SEMA3A: variants seen among roughly 807,000 people sequenced by gnomAD.
SEMA3A encodes semaphorin-3A.
SEMA3A carries 29 observed loss-of-function variants against 97.9 expected under a neutral mutation model. That is an observed-to-expected ratio of 0.30 (90% CI 0.22 to 0.40). The LOEUF (loss-of-function observed/expected upper bound fraction) is 0.40, where lower values mean the gene tolerates loss of function less well. SEMA3A is among the 10% of genes least tolerant of loss of function. The pLI is 1.00. For missense variants in SEMA3A, 763 were observed against 951.3 expected, an observed-to-expected ratio of 0.80 and a Z score of 2.60; for synonymous variants, 321 against 323.7, an observed-to-expected ratio of 0.99 and a Z score of 0.09.
chr7:84,232,524 C>A (rs1386203376), intron 3 of SEMA3A, among the ~76,000 whole-genome samples: 1 of 151,392 alleles, frequency 6.6e-6, no homozygotes, highest in Non-Finnish European at 1.5e-5. Flanking sequence ...TTGTACCCAA[C>A]AACTGAAGAA....
chr7:84,065,693 G>T (rs868042593), intron 4 of SEMA3A, among the ~76,000 whole-genome samples: 1 of 151,866 alleles, frequency 6.6e-6, no homozygotes, highest in African/African-American at 2.4e-5. Flanking sequence ...ATTCCTCGAC[G>T]TATACACTCT....
chr7:84,075,484 A>G (rs1793915498), intron 4 of SEMA3A, among the ~76,000 whole-genome samples: 1 of 131,530 alleles, frequency 7.6e-6, no homozygotes. Flanking sequence ...TTTGAGACAG[A>G]GTCTAGCTCT....
At chr7:83,980,623 A>AAAAAAAAAAAAAAAAT (rs1310318006) in intron 14 of SEMA3A, among the ~76,000 whole-genome samples, 20 of 71,734 alleles carry the variant, frequency 2.8e-4, no homozygotes, top group African/African-American at 1.5e-3. Context: ...AAAAAAAAAA[A>AAAAAAAAAAAAAAAAT]ATATATATAT....
At chr7:84,085,935 T>C (rs1794320794) in intron 4 of SEMA3A, among the ~76,000 whole-genome samples, 1 of 152,152 alleles carries the variant, frequency 6.6e-6, no homozygotes, top group Non-Finnish European at 1.5e-5. Context: ...CCCAGACTGT[T>C]TGGCTCCCAC....
At chr7:84,356,804 A>C (rs1420134956) in intron 2 of SEMA3A, among the ~76,000 whole-genome samples, 1 of 144,516 alleles carries the variant, frequency 6.9e-6, no homozygotes, top group South Asian at 2.2e-4. Context: ...TTAAGTAAAT[A>C]TGACTATAAA....
At chr7:84,268,294 T>TGTGTGTGC (rs1244680258) in intron 3 of SEMA3A, among the ~76,000 whole-genome samples, 1 of 148,594 alleles carries the variant, frequency 6.7e-6, no homozygotes, top group Non-Finnish European at 1.5e-5. Flanking sequence ...TGTGTGTGTG[T>TGTGTGTGC]GCAGGTGCTC....
chr7:84,338,286 A>T (rs1432966225), intron 2 of SEMA3A, among the ~76,000 whole-genome samples: 1 of 152,020 alleles, frequency 6.6e-6, no homozygotes, highest in Non-Finnish European at 1.5e-5. Context: ...AAAGAAACCC[A>T]TTAAGATAAC....
At chr7:84,378,610 T>C (rs960233546) in intron 1 of SEMA3A, among the ~76,000 whole-genome samples, 5 of 152,078 alleles carry the variant, frequency 3.3e-5, no homozygotes, top group African/African-American at 9.7e-5. Context: ...CTAATGTAGA[T>C]GATGGGCTGA....
intron 1 of SEMA3A, among the ~76,000 whole-genome samples, chr7:84,159,661 G>A (rs1237230541): frequency 6.6e-6 from 1 of 152,142 alleles, no homozygotes; most frequent in East Asian, 1.9e-4. Context: ...GCAATTTGCA[G>A]TTGGTGAAGC....
At position 84,426,277 on chromosome 7, in the gene SEMA3A, CAGATAGATAGAT is replaced by C. The variant is rs1554384465; in HGVS notation, c.-245-54389_-245-54378del. Among the ~76,000 whole-genome samples the C allele has an allele frequency of 2.6e-3, 341 of 133,108 alleles. 1 individual carries two copies. The highest frequency in any genetic ancestry group is 9.0e-3 in the African/African-American group (315 of 34,926). 87.3% of individuals were successfully genotyped at this position (133,108 alleles called of 152,430 possible). The stretch of plus-strand genomic sequence containing the variant: ...AGAGAGATAGATATAGATATATAGA[CAGATAGATAGAT>C]AGATAGATAGATAGATAGATAGATA... On this transcript the variant is annotated intron_variant, in intron 1 of 3. Transcript: ENST00000424555.
intron 2 of SEMA3A, among the ~76,000 whole-genome samples, chr7:84,348,991 A>G (rs957595497): frequency 3.3e-5 from 5 of 152,082 alleles, no homozygotes; most frequent in African/African-American, 1.2e-4. Flanking sequence ...CTCAAAAAAA[A>G]AGTTCTATAT....
intron 2 of SEMA3A, among the ~76,000 whole-genome samples, chr7:84,312,919 T>C (rs917943628): frequency 0.14 from 4,317 of 29,960 alleles, 290 homozygotes; most frequent in Non-Finnish European, 0.2. Flanking sequence ...TATATATATA[T>C]ATACACACAC....
intron 1 of SEMA3A, among the ~76,000 whole-genome samples, chr7:84,434,469 T>C (rs1805071462): frequency 6.6e-6 from 1 of 152,116 alleles, no homozygotes; most frequent in Non-Finnish European, 1.5e-5. Context: ...CTGAAATGAT[T>C]CCTAAAAATT....
At chr7:84,187,874 C>G (rs1348943451) in intron 1 of SEMA3A, among the ~76,000 whole-genome samples, 2 of 152,046 alleles carry the variant, frequency 1.3e-5, no homozygotes, top group African/African-American at 2.4e-5. Context: ...ACATACCCAG[C>G]CTTTAGAAAC....
At chr7:84,143,537 A>G (rs1380547731) in intron 1 of SEMA3A, among the ~76,000 whole-genome samples, 1 of 93,294 alleles carries the variant, frequency 1.1e-5, no homozygotes, top group Non-Finnish European at 2.2e-5. Flanking sequence ...CACGACTGTA[A>G]GATTATTGGA....
At chr7:84,407,294 T>C (rs981174234) in intron 1 of SEMA3A, among the ~76,000 whole-genome samples, 4 of 152,150 alleles carry the variant, frequency 2.6e-5, no homozygotes, top group Non-Finnish European at 4.4e-5. Flanking sequence ...CCATTCACAA[T>C]TGCTTCAAAG....
chr7:83,986,394 A>G (rs772074179), intron 12 of SEMA3A, among the ~76,000 whole-genome samples: 10 of 152,198 alleles, frequency 6.6e-5, no homozygotes, highest in Non-Finnish European at 1.5e-4. Context: ...ACACTCATCA[A>G]TGCACTTCAT....
intron 1 of SEMA3A, among the ~76,000 whole-genome samples, chr7:84,442,558 C>G (rs993663155): frequency 6.6e-6 from 1 of 151,772 alleles, no homozygotes; most frequent in Non-Finnish European, 1.5e-5. Context: ...GAAGTGAGAA[C>G]AAAGAAAGGT....
chr7:84,297,028 A>AGTAC (rs1800889886), intron 3 of SEMA3A, among the ~76,000 whole-genome samples: 2 of 152,220 alleles, frequency 1.3e-5, no homozygotes, highest in Admixed American at 1.3e-4. Context: ...CCCAGGCTGG[A>AGTAC]GTACAATGGC....
Sources: allele counts gnomAD v4.1 joint callset (sites outside exome capture counted in the v4.1 genomes callset), GRCh38; gene constraint gnomAD v4.1.1; transcripts MANE v1.5; gene names NCBI Gene and HGNC (gene_info 2026-07-23, HGNC 2026-07-21).